The following PAPPA2 variants were observed in gnomAD, a reference collection of about 807,000 sequenced individuals.
PAPPA2 encodes the protein pappalysin 2, also known as pappalysin-2.
Under a neutral mutation model 176.4 loss-of-function variants are expected in PAPPA2, and 86 were observed. The observed-to-expected ratio is 0.49, with a 90% CI of 0.41 to 0.58. PAPPA2 has a LOEUF of 0.58. Among genes scored for constraint, PAPPA2 ranks in the 20% least tolerant of loss-of-function variants. PAPPA2 has a pLI of 0.00. For synonymous variants in PAPPA2, 809 were observed against 852.2 expected (o/e 0.95, Z 0.88); for missense variants, 2,073 against 2,256.9 (o/e 0.92, Z 1.65).
chr1:176,483,836 A>G (rs1196965726), intron 1 of PAPPA2, among the ~76,000 whole-genome samples: 1 of 152,112 alleles, frequency 6.6e-6, no homozygotes, highest in African/African-American at 2.4e-5. Context: ...AAGAGATGTC[A>G]TAGAGGGAAT....
chr1:176,691,195 T>G (rs1660106000), intron 5 of PAPPA2: 12 of 974,852 alleles, frequency 1.2e-5, no homozygotes, highest in Non-Finnish European at 1.5e-5. Flanking sequence ...AAGACTTATT[T>G]GATGACCTAG....
chr1:176,575,970 G>T (rs1652617094), intron 2 of PAPPA2, among the ~76,000 whole-genome samples: 1 of 152,172 alleles, frequency 6.6e-6, no homozygotes, highest in Non-Finnish European at 1.5e-5. Flanking sequence ...TCTCAGGTGT[G>T]ATTTTTTAAT....
In PAPPA2 at chr1:176,738,343, G is replaced by T. The variant is rs181769140; in HGVS notation, c.3799-1283G>T. Among the ~76,000 whole-genome samples, 131 of 152,272 alleles carry T rather than the reference G, an allele frequency of 8.6e-4. 2 individuals are homozygous for T. The highest frequency in any genetic ancestry group is 6.5e-3 in the Admixed American group (100 of 15,276). On this transcript the variant is annotated intron_variant, in intron 12 of 22. Transcript: ENST00000367662. ...GAGAGAAAGAAGGGAGAGCCGTGCT[G>T]CTTTGACCACTGAAAATCATAAAAT...
chr1:176,779,300 T>C (rs949689168), intron 17 of PAPPA2, among the ~76,000 whole-genome samples: 1 of 152,114 alleles, frequency 6.6e-6, no homozygotes, highest in Non-Finnish European at 1.5e-5. Context: ...TCACCCTTTC[T>C]TCAAGCCCAT....
At chr1:176,609,873 G>A (rs959454612) in intron 3 of PAPPA2, among the ~76,000 whole-genome samples, 1 of 152,210 alleles carries the variant, frequency 6.6e-6, no homozygotes, top group East Asian at 1.9e-4. Flanking sequence ...AAGTGGAAGT[G>A]TTTGCATTGG....
intron 2 of PAPPA2, among the ~76,000 whole-genome samples, chr1:176,579,005 A>G (rs1006181720): frequency 1.3e-5 from 2 of 152,160 alleles, no homozygotes; most frequent in Admixed American, 1.3e-4. Context: ...AGGGTGGATT[A>G]TACTTTTCCC....
intron 2 of PAPPA2, among the ~76,000 whole-genome samples, chr1:176,587,190 A>G (rs1348874999): frequency 6.6e-6 from 1 of 151,496 alleles, no homozygotes; most frequent in Non-Finnish European, 1.5e-5. Flanking sequence ...TGGATATTAG[A>G]CCTTTGTCAG....
chr1:176,581,902 TTTTCTTTC>T (rs200915666), intron 2 of PAPPA2, among the ~76,000 whole-genome samples: 2 of 139,018 alleles, frequency 1.4e-5, no homozygotes, highest in Non-Finnish European at 3.1e-5. Flanking sequence ...ATTTTTCTTT[TTTTCTTTC>T]TTTCTTTCTT....
intron 21 of PAPPA2, among the ~76,000 whole-genome samples, chr1:176,834,806 C>T (rs1343535210): frequency 1.3e-5 from 2 of 152,112 alleles, no homozygotes; most frequent in Non-Finnish European, 2.9e-5. Flanking sequence ...CCCGTCTCTA[C>T]TAGAAATACA....
intron 14 of PAPPA2, among the ~76,000 whole-genome samples, chr1:176,755,068 G>A (rs1486142109): frequency 1.3e-5 from 2 of 152,104 alleles, no homozygotes; most frequent in Admixed American, 6.6e-5. Context: ...AGTGTTGCAA[G>A]GCTCCAGTAG....
Position 176,692,193 on chromosome 1 carries a change from C to G in PAPPA2, c.2499C>G (p.Val833=). 10 of 1,614,100 alleles carry G rather than the reference C, an allele frequency of 6.2e-6. No individual in the cohort carries two copies. The highest frequency in any genetic ancestry group is 8.5e-6 in the Non-Finnish European group (10 of 1,179,982). ...GAATGCATTGCTATTTGGACCTAGT[C>G]TATCAGCAGTGGACTGAAAGCAGAA... ...VARMHCYLDL[V]YQQWTESRKP... Residue 833 remains valine (V), a synonymous_variant, in exon 6 of 23, where the codon GTC becomes GTG. Coordinates refer to ENST00000367662, the MANE Select transcript of PAPPA2 (RefSeq NM_020318.3).
At chr1:176,527,741 AG>A (rs1301463036) in intron 1 of PAPPA2, among the ~76,000 whole-genome samples, 2 of 152,192 alleles carry the variant, frequency 1.3e-5, no homozygotes, top group Non-Finnish European at 2.9e-5. Context: ...GCCAAAAAGA[AG>A]TTTCCATTCA....
chr1:176,757,735 T>C (rs1663495643), intron 14 of PAPPA2, among the ~76,000 whole-genome samples: 2 of 152,244 alleles, frequency 1.3e-5, no homozygotes, highest in South Asian at 4.1e-4. Context: ...ATTTTGGCTT[T>C]TGTTGCCATT....
intron 1 of PAPPA2, among the ~76,000 whole-genome samples, chr1:176,539,653 T>C (rs1650267802): frequency 6.6e-6 from 1 of 152,144 alleles, no homozygotes; most frequent in Non-Finnish European, 1.5e-5. Context: ...ATAGTATGCT[T>C]TGGGCATATG....
intron 21 of PAPPA2, among the ~76,000 whole-genome samples, chr1:176,813,295 A>T (rs568196004): frequency 2.0e-5 from 3 of 151,992 alleles, no homozygotes; most frequent in Non-Finnish European, 4.4e-5. Flanking sequence ...ATTTTTCTGG[A>T]TATATACCCA....
intron 6 of PAPPA2, among the ~76,000 whole-genome samples, chr1:176,694,933 G>A (rs1265677879): frequency 6.6e-6 from 1 of 152,238 alleles, no homozygotes; most frequent in African/African-American, 2.4e-5. Flanking sequence ...AGCAGGTGCA[G>A]TGGGTGCACA....
intron 1 of PAPPA2, among the ~76,000 whole-genome samples, chr1:176,524,267 G>A (rs574902944): frequency 1.3e-5 from 2 of 152,224 alleles, no homozygotes; most frequent in African/African-American, 2.4e-5. Context: ...AGGCTAGCAT[G>A]GCAGCACCTC....
At chr1:176,484,103 G>C (rs1218269188) in intron 1 of PAPPA2, among the ~76,000 whole-genome samples, 1 of 152,112 alleles carries the variant, frequency 6.6e-6, no homozygotes, top group East Asian at 1.9e-4. Flanking sequence ...CTAGACACTG[G>C]CATTGTCTCC....
chr1:176,773,273 A>G (rs1451272733), intron 17 of PAPPA2, among the ~76,000 whole-genome samples: 2 of 152,230 alleles, frequency 1.3e-5, no homozygotes, highest in African/African-American at 4.8e-5. Flanking sequence ...ATTGGTAATC[A>G]GAAGTTTGCA....
Sources: gnomAD v4.1 joint callset for allele counts (sites outside exome capture counted in the v4.1 genomes callset) on GRCh38, gnomAD v4.1.1 for gene constraint, MANE v1.5 for transcripts, NCBI Gene and HGNC (gene_info 2026-07-23, HGNC 2026-07-21) for gene names.